Variants in PDE4B observed in about 807,000 individuals in gnomAD.
PDE4B encodes the protein 3',5'-cyclic-AMP phosphodiesterase 4B.
PDE4B carries 20 observed loss-of-function variants against 82.2 expected under a neutral mutation model. The ratio of observed to expected loss-of-function variants is 0.24; its 90% CI spans 0.17 to 0.35. The LOEUF (loss-of-function observed/expected upper bound fraction) is 0.35. PDE4B is among the 10% of genes least tolerant of loss of function. The pLI, the probability that PDE4B is intolerant of heterozygous loss-of-function variation, is 1.00. For synonymous variants in PDE4B, 320 were observed against 318.9 expected (o/e 1.00, Z -0.04); for missense variants, 655 against 907.2 (o/e 0.72, Z 3.57).
chr1:65,951,919 G>A (rs547163405), intron 3 of PDE4B, among the ~76,000 whole-genome samples: 22 of 152,140 alleles, frequency 1.4e-4, no homozygotes, highest in Non-Finnish European at 2.4e-4. Flanking sequence ...CTAAGGTTTG[G>A]CAATGGAGGA....
chr1:65,846,886 C>T (rs1646273479), intron 1 of PDE4B, among the ~76,000 whole-genome samples: 1 of 152,132 alleles, frequency 6.6e-6, no homozygotes, highest in African/African-American at 2.4e-5. Flanking sequence ...TCCATGATAA[C>T]CTTTACTTAG....
intron 1 of PDE4B, among the ~76,000 whole-genome samples, chr1:65,866,745 G>A (rs1646516264): frequency 1.3e-5 from 2 of 152,112 alleles, no homozygotes; most frequent in Admixed American, 1.3e-4. Flanking sequence ...CCAGTCAATG[G>A]GAAGAACCCT....
intron 3 of PDE4B, among the ~76,000 whole-genome samples, chr1:66,215,896 G>A (rs1378872705): frequency 6.6e-6 from 1 of 152,144 alleles, no homozygotes; most frequent in Non-Finnish European, 1.5e-5. Flanking sequence ...AAGAGCAAAG[G>A]CCAAATGTTG....
intron 1 of PDE4B, among the ~76,000 whole-genome samples, chr1:65,855,063 T>G (rs951470297): frequency 6.6e-6 from 1 of 151,538 alleles, no homozygotes; most frequent in Non-Finnish European, 1.5e-5. Context: ...TTTCTACATT[T>G]AATTTCTCTC....
intron 3 of PDE4B, among the ~76,000 whole-genome samples, chr1:65,957,360 C>T (rs1649313884): frequency 1.3e-5 from 2 of 152,060 alleles, no homozygotes; most frequent in African/African-American, 2.4e-5. Context: ...TCAGTAATTT[C>T]CAATGCCATG....
intron 4 of PDE4B, among the ~76,000 whole-genome samples, chr1:66,253,125 T>C (rs2101690156): frequency 6.6e-6 from 1 of 152,328 alleles, no homozygotes; most frequent in South Asian, 2.1e-4. Flanking sequence ...CACAGAACCC[T>C]GTTTGACAGG....
intron 3 of PDE4B, among the ~76,000 whole-genome samples, chr1:66,031,253 C>T (rs1043753308): frequency 2.6e-5 from 4 of 152,134 alleles, no homozygotes; most frequent in African/African-American, 9.7e-5. Context: ...GGAAAACACC[C>T]TTTCTCTGTG....
intron 3 of PDE4B, among the ~76,000 whole-genome samples, chr1:65,940,677 T>C (rs1196879995): frequency 1.3e-5 from 2 of 152,112 alleles, no homozygotes; most frequent in African/African-American, 4.8e-5. Flanking sequence ...TCATGCTTTT[T>C]GCTTGATTTG....
chr1:66,053,767 G>A (rs1456393608), intron 3 of PDE4B, among the ~76,000 whole-genome samples: 1 of 152,164 alleles, frequency 6.6e-6, no homozygotes, highest in Non-Finnish European at 1.5e-5. Context: ...GCTGAGGCAG[G>A]AGAATTGCTT....
At chr1:66,131,713 A>G (rs1645954669) in intron 3 of PDE4B, among the ~76,000 whole-genome samples, 1 of 148,486 alleles carries the variant, frequency 6.7e-6, no homozygotes, top group Non-Finnish European at 1.5e-5. Context: ...AATCAACAAT[A>G]TTTATTGCGA....
chr1:66,276,597 G>A (rs763313763), intron 7 of PDE4B, among the ~76,000 whole-genome samples: 4 of 152,140 alleles, frequency 2.6e-5, no homozygotes, highest in Non-Finnish European at 5.9e-5. Flanking sequence ...AGTAAGCAAA[G>A]GTGTAAGTCT....
At chr1:66,233,569 G>T (rs545532775) in intron 3 of PDE4B, among the ~76,000 whole-genome samples, 2 of 152,184 alleles carry the variant, frequency 1.3e-5, no homozygotes, top group Admixed American at 1.3e-4. Flanking sequence ...GAGTAGAAGC[G>T]GAAAGAACAG....
At position 66,076,230 on chromosome 1, in the gene PDE4B, A is replaced by C. The variant is rs936937935; in HGVS notation, c.281+157395A>C. 3.9e-4 allele frequency among the ~76,000 whole-genome samples: 59 copies of C among 152,134 alleles called. 1 individual carries two copies. Among genetic ancestry groups the C allele is most frequent in the Non-Finnish European group, 2.2e-4 (15 of 67,984 alleles). ...GTCTGTTGTTCTCACCTTTAAGTCC[A>C]TGTGTACTTGATGTTTAGCTCCCAC... On this transcript the variant is annotated intron_variant, in intron 3 of 16. Transcript: ENST00000341517.
In PDE4B at chr1:66,368,852, G is replaced by A; in HGVS notation, c.1728G>A (p.Arg576=). The change falls in exon 16 of 17, where the codon CGG becomes CGA. Residue 576 remains arginine (R), a synonymous_variant. Coordinates refer to ENST00000341517, the MANE Select transcript of PDE4B (RefSeq NM_002600.4). ...SNPTKSLELY[R]QWTDRIMEEF... Reference sequence around the variant, plus strand: ...CCACCAAGTCCTTGGAATTGTATCGGCAATGGACAGACCGCATCATGGAGG... The same window carrying A: ...CCACCAAGTCCTTGGAATTGTATCGACAATGGACAGACCGCATCATGGAGG... 1 of 1,613,378 alleles carries A rather than the reference G, an allele frequency of 6.2e-7. No homozygotes were observed. The highest frequency in any genetic ancestry group is 8.5e-7 in the Non-Finnish European group (1 of 1,179,578).
At chr1:66,044,399 T>C (rs181663818) in intron 3 of PDE4B, among the ~76,000 whole-genome samples, 3 of 151,860 alleles carry the variant, frequency 2.0e-5, no homozygotes, top group African/African-American at 2.4e-5. Flanking sequence ...ATTGAATTTG[T>C]GTGGCCGAAT....
At chr1:66,032,486 A>G (rs1391649422) in intron 3 of PDE4B, among the ~76,000 whole-genome samples, 1 of 152,212 alleles carries the variant, frequency 6.6e-6, no homozygotes, top group Non-Finnish European at 1.5e-5. Flanking sequence ...TGCACTGGTG[A>G]AAATCCCTAG....
intron 3 of PDE4B, among the ~76,000 whole-genome samples, chr1:65,991,674 A>G (rs1359840924): frequency 6.6e-6 from 1 of 152,124 alleles, no homozygotes; most frequent in Non-Finnish European, 1.5e-5. Flanking sequence ...ATATATATCT[A>G]CATGTTAGGT....
At chr1:66,212,946 A>G (rs891858204) in intron 3 of PDE4B, among the ~76,000 whole-genome samples, 1 of 152,214 alleles carries the variant, frequency 6.6e-6, no homozygotes, top group African/African-American at 2.4e-5. Flanking sequence ...CAAACAGCAC[A>G]CCATAATGTG....
intron 3 of PDE4B, among the ~76,000 whole-genome samples, chr1:66,171,452 T>C (rs939145863): frequency 1.3e-5 from 2 of 152,194 alleles, no homozygotes; most frequent in Non-Finnish European, 2.9e-5. Flanking sequence ...AGACTTTTGA[T>C]ATATAACTAA....
Sources: allele counts gnomAD v4.1 joint callset (sites outside exome capture counted in the v4.1 genomes callset), GRCh38; gene constraint gnomAD v4.1.1; transcripts MANE v1.5; gene names NCBI Gene and HGNC (gene_info 2026-07-23, HGNC 2026-07-21).